Variants in ATXN2 observed in about 807,000 individuals in gnomAD.
ATXN2 encodes ataxin-2.
In ATXN2, 37 loss-of-function variants were observed where a neutral mutation model predicts 138.6. That is an observed-to-expected ratio of 0.27 (90% CI 0.21 to 0.35). The LOEUF is 0.35. Among genes scored for constraint, ATXN2 ranks in the 10% least tolerant of loss-of-function variants. The pLI, the probability that ATXN2 is intolerant of heterozygous loss-of-function variation, is 1.00. For synonymous variants in ATXN2, 549 were observed against 543.7 expected (o/e 1.01, Z -0.13); for missense variants, 1,216 against 1,480.3 (o/e 0.82, Z 2.93).
At chr12:111,467,130 A>G (rs1191882825) in intron 20 of ATXN2, among the ~76,000 whole-genome samples, 1 of 151,730 alleles carries the variant, frequency 6.6e-6, no homozygotes, top group Non-Finnish European at 1.5e-5. Flanking sequence ...GAACAAAACA[A>G]TTCTTTCTTA....
intron 18 of ATXN2, chr12:111,471,606 T>C (rs1226894537): frequency 2.6e-5 from 4 of 152,208 alleles, no homozygotes; most frequent in African/African-American, 9.7e-5. Context: ...ACTGATTATA[T>C]AATTAACTGC....
intron 11 of ATXN2, chr12:111,511,977 T>G (rs541946027): frequency 6.6e-6 from 1 of 152,328 alleles, no homozygotes; most frequent in Admixed American, 6.5e-5. Context: ...TGTTTCTTTT[T>G]TCTTTTTTTT....
intron 1 of ATXN2, among the ~76,000 whole-genome samples, chr12:111,574,835 T>G (rs1883543392): frequency 6.6e-6 from 1 of 152,222 alleles, no homozygotes; most frequent in African/African-American, 2.4e-5. Flanking sequence ...AATAACATTT[T>G]TTAATACCAT....
intron 20 of ATXN2, among the ~76,000 whole-genome samples, 175 bp from the exon 21 acceptor site, chr12:111,464,890 G>A (rs942068922): frequency 1.3e-5 from 2 of 152,176 alleles, no homozygotes; most frequent in African/African-American, 4.8e-5. Context: ...GGACTAAACC[G>A]GAAGACACTG....
intron 1 of ATXN2, among the ~76,000 whole-genome samples, chr12:111,592,034 A>G (rs576096154): frequency 2.7e-5 from 4 of 149,252 alleles, no homozygotes; most frequent in Non-Finnish European, 5.9e-5. Context: ...GTGAGCTGAG[A>G]TTGCACCACT....
At chr12:111,479,756 T>C (rs1457556704) in intron 18 of ATXN2, among the ~76,000 whole-genome samples, 1 of 151,740 alleles carries the variant, frequency 6.6e-6, no homozygotes, top group Non-Finnish European at 1.5e-5. Flanking sequence ...TTAGTGTTAC[T>C]GTATTTTATG....
At chr12:111,585,599 G>A (rs1592931017) in intron 1 of ATXN2, among the ~76,000 whole-genome samples, 1 of 151,756 alleles carries the variant, frequency 6.6e-6, no homozygotes, top group East Asian at 1.9e-4. Flanking sequence ...GAGGTCAGGA[G>A]TTCGAGACCA....
chr12:111,576,827 G>A (rs1272379211), intron 1 of ATXN2, among the ~76,000 whole-genome samples: 4 of 151,524 alleles, frequency 2.6e-5, no homozygotes, highest in Admixed American at 6.6e-5. Flanking sequence ...GCATGGTGGC[G>A]GGCTCCTGTA....
Position 111,599,087 on chromosome 12 carries a change from G to C in ATXN2, c.-53C>G, listed in dbSNP as rs1056953317. 14 of 1,372,482 alleles carry C rather than the reference G, an allele frequency of 1.0e-5. No homozygotes were observed. The highest frequency in any genetic ancestry group is 3.0e-5 in the Admixed American group (1 of 33,066). The allele number at this position is 1,372,482 out of a possible 1,614,324, so 85.0% of individuals were successfully genotyped here. The stretch of plus-strand genomic sequence containing the variant: ...CGCCGGGCGGGGACAGCCGGGAGCC[G>C]GGCGCGCCAAGGAGACGCCGGAACG... On this transcript the variant is annotated 5_prime_UTR_variant, in exon 1 of 25. Coordinates refer to ENST00000673436, the MANE Select transcript of ATXN2 (RefSeq NM_001372574.1).
intron 1 of ATXN2, among the ~76,000 whole-genome samples, chr12:111,576,950 TC>T (rs1327506020): frequency 6.6e-6 from 1 of 151,658 alleles, no homozygotes; most frequent in East Asian, 2.0e-4. Context: ...AGAGCGAGAC[TC>T]CGTCTCCAAA....
intron 1 of ATXN2, among the ~76,000 whole-genome samples, chr12:111,575,936 G>A (rs1883613555): frequency 6.6e-6 from 1 of 152,034 alleles, no homozygotes; most frequent in African/African-American, 2.4e-5. Context: ...ACAAAAATTA[G>A]CCAGGCACGG....
intron 1 of ATXN2, among the ~76,000 whole-genome samples, chr12:111,586,393 T>G (rs1248390386): frequency 1.4e-5 from 2 of 145,116 alleles, no homozygotes; most frequent in South Asian, 2.3e-4. Flanking sequence ...GTCTGGTTTT[T>G]TTTTTTTTTT....
chr12:111,528,517 A>G (rs1019585583), intron 5 of ATXN2, among the ~76,000 whole-genome samples: 2 of 152,102 alleles, frequency 1.3e-5, no homozygotes, highest in Non-Finnish European at 2.9e-5. Context: ...TAATAAATCT[A>G]TTTTTCTCAA....
At chr12:111,599,662 T>C, upstream of ATXN2, 3 of 1,073,412 alleles carry the variant, frequency 2.8e-6, no homozygotes, top group Non-Finnish European at 3.4e-6. Flanking sequence ...CGCGCTGGGT[T>C]GCTTTCTCGG....
intron 5 of ATXN2, among the ~76,000 whole-genome samples, chr12:111,532,353 G>A (rs1372687597): frequency 1.3e-5 from 2 of 152,094 alleles, no homozygotes; most frequent in East Asian, 1.9e-4. Context: ...GGTGGTGTGC[G>A]CCTGTAATCC....
At chr12:111,584,066 A>G (rs904682915) in intron 1 of ATXN2, among the ~76,000 whole-genome samples, 2 of 149,974 alleles carry the variant, frequency 1.3e-5, no homozygotes, top group Non-Finnish European at 2.9e-5. Flanking sequence ...TTTTTTGACT[A>G]TATCAATAAA....
chr12:111,539,603 C>T (rs1245938783), intron 5 of ATXN2, among the ~76,000 whole-genome samples: 2 of 149,410 alleles, frequency 1.3e-5, no homozygotes, highest in Admixed American at 1.3e-4. Flanking sequence ...AAAAATTAGC[C>T]GGGCGCTGTG....
Position 111,453,014 on chromosome 12 carries a change from G to GGGGGGT in ATXN2, c.3440-175_3440-174insACCCCC. 2.1e-6 allele frequency: 1 copy of GGGGGGT among 471,086 alleles called. No homozygotes were observed. The highest frequency in any genetic ancestry group is 2.9e-6 in the Non-Finnish European group (1 of 344,796). 29.2% of individuals were successfully genotyped at this position (471,086 alleles called of 1,614,324 possible). A position where few individuals can be genotyped will look rare whatever the true frequency, so the allele number is the denominator to read the frequency against. On this transcript the variant is annotated intron_variant, in intron 24 of 24. Coordinates refer to ENST00000673436, the MANE Select transcript of ATXN2 (RefSeq NM_001372574.1). This position sits in a 1 kb window ranked among gnomAD's most constrained non-coding sequence, Gnocchi z 5.4. ...AAAGTGGGGAGGGTTGGGTGGGTGG[G>GGGGGGT]TAGAAACAAACCAGTCAGACGTAAA...
In ATXN2 at chr12:111,516,272, G is replaced by A. The variant is rs1238070468; in HGVS notation, c.1257C>T (p.Ala419=). ...GCCTGGAGGGCGGCCGTGTAGGGGT[G>A]GCTGCCCGAGGTGGAAGAGAGTTGG... ...SGPNSLPPRA[A]TPTRPPSRPP... The change falls in exon 10 of 25, where the codon GCC becomes GCT. Residue 419 remains alanine, a synonymous_variant. Coordinates refer to ENST00000673436, the MANE Select transcript of ATXN2 (RefSeq NM_001372574.1). This position sits in a 1 kb window ranked among gnomAD's most constrained non-coding sequence, Gnocchi z 5.0. 1.9e-6 allele frequency: 3 copies of A among 1,573,494 alleles called. No individual in the cohort carries two copies. The Admixed American group carries it at 6.0e-5, about 32-fold the overall frequency.
Sources: allele counts gnomAD v4.1 joint callset (sites outside exome capture counted in the v4.1 genomes callset), GRCh38; gene constraint gnomAD v4.1.1; non-coding constraint Gnocchi (gnomAD v3.1); transcripts MANE v1.5; gene names NCBI Gene and HGNC (gene_info 2026-07-23, HGNC 2026-07-21).